TBX5: variants seen among roughly 807,000 people sequenced by gnomAD.
TBX5 encodes T-box transcription factor 5.
A neutral mutation model predicts 51.1 loss-of-function variants in TBX5; 8 were observed. That is an observed-to-expected ratio of 0.16 (90% CI 0.09 to 0.28). TBX5 has a LOEUF of 0.28. Among genes scored for constraint, TBX5 ranks in the 10% least tolerant of loss-of-function variants. The probability of loss-of-function intolerance (pLI) is 1.00; values close to 1 mark genes in which losing one functional copy is unlikely to be tolerated. For missense variants in TBX5, 589 were observed against 671.7 expected, an observed-to-expected ratio of 0.88 and a Z score of 1.36; for synonymous variants, 302 against 266.4, an observed-to-expected ratio of 1.13 and a Z score of -1.30.
At chr12:114,399,487 G>A (rs769896137) in intron 4 of TBX5, 26 bp downstream of exon 4, 106 of 1,612,634 alleles carry the variant, frequency 6.6e-5, no homozygotes, top group Non-Finnish European at 8.8e-5. Flanking sequence ...CTCTCTCCCC[G>A]CTCCACCTGC....
At chr12:114,403,312 A>G (rs1481632056) in intron 2 of TBX5, among the ~76,000 whole-genome samples, 1 of 152,194 alleles carries the variant, frequency 6.6e-6, no homozygotes, top group Admixed American at 6.6e-5. Flanking sequence ...GGCGAAGGCT[A>G]CGGAAGATCA....
At chr12:114,368,332 CTCAATCAATCAA>C (rs57863558) in intron 7 of TBX5, among the ~76,000 whole-genome samples, 2 of 151,564 alleles carry the variant, frequency 1.3e-5, no homozygotes, top group Admixed American at 6.6e-5. Context: ...GAAACCCTGT[CTCAATCAATCAA>C]TCAATCAATC....
At position 114,398,693 on chromosome 12, in the gene TBX5, G is replaced by C; in HGVS notation, c.390C>G (p.Ala130=). Residue 130 remains alanine, a synonymous_variant, in exon 5 of 9, where the codon GCC becomes GCG. Coordinates refer to ENST00000405440, the MANE Select transcript of TBX5 (RefSeq NM_181486.4). The part of the protein sequence containing the change: ...KWSVTGKAEP[A]MPGRLYVHPD... ...GGTGCACGTACAGGCGGCCAGGCAT[G>C]GCGGGCTCAGCTTTGCCCGTCACAG... The C allele has an allele frequency of 6.2e-7, 1 of 1,607,096 alleles. No individual in the cohort carries two copies. Among genetic ancestry groups the C allele is most frequent in the Non-Finnish European group, 8.5e-7 (1 of 1,176,932 alleles).
chr12:114,380,686 T>C (rs1870459250), intron 7 of TBX5, among the ~76,000 whole-genome samples: 1 of 152,150 alleles, frequency 6.6e-6, no homozygotes, highest in Non-Finnish European at 1.5e-5. Context: ...AAAAATTAGC[T>C]GGGCATGGTG....
intron 8 of TBX5, among the ~76,000 whole-genome samples, chr12:114,365,168 A>G (rs911073043): frequency 6.8e-6 from 1 of 147,484 alleles, no homozygotes; most frequent in African/African-American, 2.5e-5. Context: ...ATCATTTGTG[A>G]TGTGTGTGTG....
At chr12:114,357,145 T>C (rs1374353677) in intron 8 of TBX5, among the ~76,000 whole-genome samples, 1 of 152,196 alleles carries the variant, frequency 6.6e-6, no homozygotes, top group Non-Finnish European at 1.5e-5. Flanking sequence ...TTGGTACAAG[T>C]TAATGTGTTG....
intron 7 of TBX5, among the ~76,000 whole-genome samples, chr12:114,367,609 G>A (rs566707660): frequency 2.7e-5 from 4 of 148,124 alleles, no homozygotes; most frequent in Non-Finnish European, 6.0e-5. Context: ...AGGCTCAAAG[G>A]AAATGAGAGA....
chr12:114,368,145 G>A (rs1869655080), intron 7 of TBX5, among the ~76,000 whole-genome samples: 1 of 152,150 alleles, frequency 6.6e-6, no homozygotes, highest in Non-Finnish European at 1.5e-5. Context: ...TCATATCTGT[G>A]AAATTACAGG....
chr12:114,378,156 A>G (rs538052880), intron 7 of TBX5, among the ~76,000 whole-genome samples: 1 of 152,204 alleles, frequency 6.6e-6, no homozygotes, highest in East Asian at 1.9e-4. Flanking sequence ...AAGTCCCCCA[A>G]TCCATCATCT....
intron 8 of TBX5, among the ~76,000 whole-genome samples, chr12:114,361,603 G>T (rs994690781): frequency 2.0e-5 from 3 of 152,134 alleles, no homozygotes; most frequent in Non-Finnish European, 4.4e-5. Flanking sequence ...GGAGCCCTCC[G>T]GCCTGCCTGG....
upstream of TBX5, chr12:114,407,192 T>C (rs534988092): frequency 8.5e-6 from 7 of 819,760 alleles, no homozygotes; most frequent in South Asian, 2.2e-4. Flanking sequence ...TCTCCAACCC[T>C]GAATGTGGGG....
chr12:114,363,780 A>G (rs1436325200), intron 8 of TBX5, among the ~76,000 whole-genome samples: 2 of 152,120 alleles, frequency 1.3e-5, no homozygotes, highest in Non-Finnish European at 2.9e-5. Flanking sequence ...AATAGCATCT[A>G]CTCCATAGTG....
chr12:114,400,472 A>G (rs1871736997), intron 3 of TBX5, among the ~76,000 whole-genome samples: 1 of 152,212 alleles, frequency 6.6e-6, no homozygotes, highest in South Asian at 2.1e-4. Flanking sequence ...CTTCTGAGGA[A>G]CATGCCCCAG....
intron 8 of TBX5, among the ~76,000 whole-genome samples, chr12:114,360,839 C>T (rs1297304504): frequency 6.6e-6 from 1 of 151,886 alleles, no homozygotes; most frequent in Non-Finnish European, 1.5e-5. Context: ...TTTTGGTGTC[C>T]CCATGCTCTT....
At chr12:114,361,452 A>G (rs11067073) in intron 8 of TBX5, among the ~76,000 whole-genome samples, 6,545 of 152,214 alleles carry the variant, frequency 0.043, 498 homozygotes, top group East Asian at 0.35. Flanking sequence ...GTCAGGGGTG[A>G]GAGGGAGAAA....
At chr12:114,370,060 G>A (rs568290893) in intron 7 of TBX5, among the ~76,000 whole-genome samples, 1 of 151,928 alleles carries the variant, frequency 6.6e-6, no homozygotes, top group Non-Finnish European at 1.5e-5. Flanking sequence ...TTCAAGACCA[G>A]TCTGGTCAAC....
chr12:114,362,433 A>G (rs1412095923), intron 8 of TBX5, among the ~76,000 whole-genome samples: 8 of 151,958 alleles, frequency 5.3e-5, no homozygotes, highest in African/African-American at 2.4e-5. Context: ...CCAACATCTC[A>G]GCCTTCTGTT....
At chr12:114,382,329 C>CAATA (rs1401647783) in intron 7 of TBX5, among the ~76,000 whole-genome samples, 2 of 151,884 alleles carry the variant, frequency 1.3e-5, no homozygotes, top group African/African-American at 2.4e-5. Flanking sequence ...ATCAATCAAT[C>CAATA]AATAAGTAAG....
At chr12:114,403,716 C>T (rs1421571482) in intron 2 of TBX5, 36 bp downstream of exon 2, 2 of 1,606,372 alleles carry the variant, frequency 1.2e-6, no homozygotes, top group African/African-American at 1.3e-5. Flanking sequence ...TGACTTTGAT[C>T]TCTGCAAAGG....
Sources: gnomAD v4.1 joint callset for allele counts (sites outside exome capture counted in the v4.1 genomes callset) on GRCh38, gnomAD v4.1.1 for gene constraint, MANE v1.5 for transcripts, NCBI Gene and HGNC (gene_info 2026-07-23, HGNC 2026-07-21) for gene names.